The following MERTK variants were observed in gnomAD, a reference collection of about 807,000 sequenced individuals.
The protein encoded by MERTK is MER proto-oncogene, tyrosine kinase, also known as tyrosine-protein kinase Mer.
A neutral mutation model predicts 99.3 loss-of-function variants in MERTK; 69 were observed. The ratio of observed to expected loss-of-function variants is 0.70; its 90% confidence interval spans 0.57 to 0.85. The LOEUF (loss-of-function observed/expected upper bound fraction) is 0.85. Among genes scored for constraint, MERTK ranks in the 40% least tolerant of loss-of-function variants. MERTK has a pLI of 0.00. For missense variants in MERTK, 1,125 were observed against 1,249.4 expected (o/e 0.90, Z 1.50); for synonymous variants, 426 against 467.6 (o/e 0.91, Z 1.15).
chr2:111,937,139 T>G (rs2104694682), intron 2 of MERTK, among the ~76,000 whole-genome samples: 1 of 152,234 alleles, frequency 6.6e-6, no homozygotes, highest in South Asian at 2.1e-4. Flanking sequence ...TCATTAAATT[T>G]TCTTTATAAA....
chr2:111,980,028 C>G (rs1676336702), intron 7 of MERTK, among the ~76,000 whole-genome samples: 1 of 152,182 alleles, frequency 6.6e-6, no homozygotes, highest in Non-Finnish European at 1.5e-5. Context: ...GTAGGCTTCA[C>G]TATAGGTGAT....
At chr2:112,001,000 G>C (rs1402631016) in intron 10 of MERTK, among the ~76,000 whole-genome samples, 1 of 152,164 alleles carries the variant, frequency 6.6e-6, no homozygotes, top group Non-Finnish European at 1.5e-5. Context: ...GTTCTTGGCG[G>C]TACCTGGCTA....
At chr2:111,920,736 T>C (rs1247632721) in intron 1 of MERTK, among the ~76,000 whole-genome samples, 1 of 151,926 alleles carries the variant, frequency 6.6e-6, no homozygotes, top group Non-Finnish European at 1.5e-5. Context: ...TCACTGCAAC[T>C]TCTGCCTCCC....
At chr2:111,940,230 T>C (rs1271887923) in intron 2 of MERTK, 1 of 258,918 alleles carries the variant, frequency 3.9e-6, no homozygotes, top group Non-Finnish European at 8.0e-6. Context: ...TTTCCAAACA[T>C]GCCGGAAGTA....
chr2:112,020,642 G>A, intron 16 of MERTK: 1 of 471,048 alleles, frequency 2.1e-6, no homozygotes, highest in South Asian at 1.5e-5. Flanking sequence ...CCAGCATCTT[G>A]CTCTTACTGC....
Position 112,010,078 on chromosome 2 carries a change from C to G in MERTK, c.2079+12C>G. 6.4e-7 allele frequency: 1 copy of G among 1,558,168 alleles called. No homozygotes were observed. Among genetic ancestry groups the G allele is most frequent in the African/African-American group, 1.4e-5 (1 of 73,710 alleles). ...AGACAGGACCAAAGGTAATGATCTC[C>G]TTGTGTTACCCCTGAACACTTCTCA... On this transcript the variant is annotated intron_variant, in intron 15 of 18. Transcript: ENST00000295408.
At chr2:111,903,660 C>T (rs1265666460) in intron 1 of MERTK, among the ~76,000 whole-genome samples, 1 of 152,140 alleles carries the variant, frequency 6.6e-6, no homozygotes, top group Non-Finnish European at 1.5e-5. Context: ...TGAAAGGGGT[C>T]TCACACTGTG....
chr2:111,931,469 C>T lies in MERTK; in HGVS notation c.482+1929C>T, dbSNP rs144945532. Among the ~76,000 whole-genome samples the T allele has an allele frequency of 1.2e-3, 181 of 152,256 alleles. 1 individual carries two copies. The East Asian group carries it at 0.031, about 26-fold the overall frequency. ...GTGAATGACCGAGGCAGGCGGATCACGAGGTCAAGAGATCGAGACCATCCT... is the reference window on the plus strand; with the variant it reads ...GTGAATGACCGAGGCAGGCGGATCATGAGGTCAAGAGATCGAGACCATCCT... On this transcript the variant is annotated intron_variant, in intron 2 of 18. Coordinates refer to ENST00000295408, the MANE Select transcript of MERTK (RefSeq NM_006343.3).
chr2:111,899,606 C>T (rs1021010348), intron 1 of MERTK, among the ~76,000 whole-genome samples: 13 of 152,136 alleles, frequency 8.5e-5, no homozygotes, highest in Non-Finnish European at 1.6e-4. Flanking sequence ...CAGGCTCCGC[C>T]TCCCGGGTTC....
At chr2:111,968,097 T>TTGTGTGTG (rs759853912) in intron 5 of MERTK, 40 bp from the exon 6 acceptor site, 1 of 800,052 alleles carries the variant, frequency 1.2e-6, no homozygotes, top group African/African-American at 2.3e-5. Flanking sequence ...ATAATTGTGT[T>TTGTGTGTG]TGTGTGTGTA....
At chr2:111,944,125 CCT>C (rs1373650555) in intron 2 of MERTK, among the ~76,000 whole-genome samples, 2 of 151,988 alleles carry the variant, frequency 1.3e-5, no homozygotes, top group African/African-American at 4.8e-5. Context: ...ATGGCAAATC[CCT>C]GTCTCTACTA....
intron 1 of MERTK, among the ~76,000 whole-genome samples, chr2:111,927,383 TC>T (rs1684587202): frequency 6.6e-6 from 1 of 152,048 alleles, no homozygotes; most frequent in African/African-American, 2.4e-5. Context: ...AATTCCCAGA[TC>T]CCCTCCCTTC....
At chr2:111,977,450 T>A (rs1370483617) in intron 7 of MERTK, among the ~76,000 whole-genome samples, 1 of 152,188 alleles carries the variant, frequency 6.6e-6, no homozygotes, top group Non-Finnish European at 1.5e-5. Context: ...ACTTTGTTCC[T>A]CTGTATGTAA....
chr2:111,943,288 G>A lies in MERTK; in HGVS notation c.483-1672G>A, dbSNP rs921275359. 4.6e-5 allele frequency among the ~76,000 whole-genome samples: 7 copies of A among 152,074 alleles called. No individual in the cohort carries two copies. The South Asian group carries it at 1.0e-3, about 23-fold the overall frequency. On this transcript the variant is annotated intron_variant, in intron 2 of 18. Coordinates refer to ENST00000295408, the MANE Select transcript of MERTK (RefSeq NM_006343.3). ...TTCCATGTTTTTCTTCTTTTTCTTC[G>A]TTCCCCTGGTCATGGTCTTCTTTGC...
intron 1 of MERTK, among the ~76,000 whole-genome samples, chr2:111,906,143 C>T (rs1248810197): frequency 6.6e-6 from 1 of 152,210 alleles, no homozygotes; most frequent in East Asian, 1.9e-4. Context: ...GTGCTCTGCC[C>T]TAGGTCACTC....
intron 8 of MERTK, among the ~76,000 whole-genome samples, chr2:111,987,917 A>C (rs188228847): frequency 6.6e-6 from 1 of 152,010 alleles, no homozygotes; most frequent in East Asian, 1.9e-4. Context: ...CTTCGTTTTC[A>C]AAGGTATAGA....
chr2:112,029,395 A>G lies in MERTK; in HGVS notation c.*531A>G. 1.1e-6 allele frequency: 1 copy of G among 920,570 alleles called. No homozygotes were observed. Among genetic ancestry groups the G allele is most frequent in the South Asian group, 5.0e-5 (1 of 19,944 alleles). The allele number at this position is 920,570 out of a possible 1,614,324, so 57.0% of individuals were successfully genotyped here. The stretch of plus-strand genomic sequence containing the variant: ...ATATGTTGAACTTACTTGAGACTTG[A>G]AAGACAGTGGTCGGCAGCGGCCTTG... On this transcript the variant is annotated 3_prime_UTR_variant, in exon 19 of 19. Transcript: ENST00000295408.
In MERTK at chr2:111,941,000, T is replaced by C. The variant is rs1334679354; in HGVS notation, c.483-3960T>C. The C allele has an allele frequency of 1.4e-5, 8 of 574,746 alleles. No homozygotes were observed. The Admixed American group carries it at 1.7e-4, about 12-fold the overall frequency. 35.6% of individuals were successfully genotyped at this position (574,746 alleles called of 1,614,324 possible). A position where few individuals can be genotyped will look rare whatever the true frequency, so the allele number is the denominator to read the frequency against. On this transcript the variant is annotated intron_variant, in intron 2 of 18. Coordinates refer to ENST00000295408, the MANE Select transcript of MERTK (RefSeq NM_006343.3). The stretch of plus-strand genomic sequence containing the variant: ...TCTTTGCAGTTGAAACCGGCGGGGT[T>C]GTGGTAGTCAAGAGCCGTCAGCTTT...
intron 8 of MERTK, among the ~76,000 whole-genome samples, chr2:111,985,136 C>T (rs1031198201): frequency 8.5e-5 from 13 of 152,196 alleles, no homozygotes; most frequent in African/African-American, 2.7e-4. Context: ...GGCTTCCTCC[C>T]CAAGTACCAG....
Sources: allele counts gnomAD v4.1 joint callset (sites outside exome capture counted in the v4.1 genomes callset), GRCh38; gene constraint gnomAD v4.1.1; transcripts MANE v1.5; gene names NCBI Gene and HGNC (gene_info 2026-07-23, HGNC 2026-07-21).